Variants in KLHL1 observed in about 807,000 individuals in gnomAD.
KLHL1 encodes kelch like family member 1.
A neutral mutation model predicts 77.7 loss-of-function variants in KLHL1; 47 were observed. The ratio of observed to expected loss-of-function variants is 0.60; its 90% CI spans 0.48 to 0.77. KLHL1 has a LOEUF of 0.77. KLHL1 is among the 30% of genes least tolerant of loss of function. The pLI is 0.00. For synonymous variants in KLHL1, 360 were observed against 325.2 expected (o/e 1.11, Z -1.15); for missense variants, 925 against 910.8 (o/e 1.02, Z -0.20).
rs10667717 is a variant in KLHL1, at chr13:70,027,652, G to GTTTTTTTTTTTT, written c.498-51862_498-51851dup. Among the ~76,000 whole-genome samples the GTTTTTTTTTTTT allele has an allele frequency of 2.4e-4, 33 of 135,754 alleles. 1 individual carries two copies. The highest frequency in any genetic ancestry group is 6.6e-4 in the African/African-American group (24 of 36,424). 89.1% of individuals were successfully genotyped at this position (135,754 alleles called of 152,430 possible). A position where few individuals can be genotyped will look rare whatever the true frequency, so the allele number is the denominator to read the frequency against. The stretch of plus-strand genomic sequence containing the variant: ...ATTTTTGAAGCGCAAAATGTAAGTT[G>GTTTTTTTTTTTT]TTTTTTTTTTTTTATGAACTGAACA... On this transcript the variant is annotated intron_variant, in intron 1 of 10. Transcript: ENST00000377844.
chr13:70,020,716 T>C (rs1466238414), intron 1 of KLHL1, among the ~76,000 whole-genome samples: 1 of 152,106 alleles, frequency 6.6e-6, no homozygotes, highest in Non-Finnish European at 1.5e-5. Flanking sequence ...ATTTCCTTTT[T>C]ACATATACTG....
chr13:69,806,277 C>T (rs138460129), intron 6 of KLHL1, among the ~76,000 whole-genome samples: 1 of 152,346 alleles, frequency 6.6e-6, no homozygotes, highest in East Asian at 1.9e-4. Flanking sequence ...ATGTTTGCTT[C>T]TGTTCTCTGG....
intron 7 of KLHL1, among the ~76,000 whole-genome samples, chr13:69,745,250 C>T (rs934673184): frequency 5.9e-5 from 9 of 151,952 alleles, no homozygotes; most frequent in African/African-American, 2.2e-4. Flanking sequence ...CCACTTGAAT[C>T]TCCCTTTTTG....
intron 5 of KLHL1, among the ~76,000 whole-genome samples, chr13:69,847,282 C>T (rs1006563238): frequency 6.6e-5 from 10 of 151,186 alleles, no homozygotes; most frequent in African/African-American, 2.4e-4. Context: ...TACAGACAAC[C>T]TTCTAAAATA....
At chr13:69,853,594 C>G (rs1015576427) in intron 5 of KLHL1, among the ~76,000 whole-genome samples, 1 of 151,978 alleles carries the variant, frequency 6.6e-6, no homozygotes, top group African/African-American at 2.4e-5. Flanking sequence ...TTGCAAGCAG[C>G]TACTTTCATC....
intron 7 of KLHL1, among the ~76,000 whole-genome samples, chr13:69,771,929 T>TATC (rs769607343): frequency 7.2e-5 from 11 of 152,084 alleles, no homozygotes; most frequent in Non-Finnish European, 1.0e-4. Context: ...TTGCAAGACT[T>TATC]ATCAATAAAT....
intron 1 of KLHL1, among the ~76,000 whole-genome samples, chr13:70,094,315 A>G (rs1204562810): frequency 6.6e-6 from 1 of 151,730 alleles, no homozygotes; most frequent in African/African-American, 2.4e-5. Flanking sequence ...ACAGAGTGAG[A>G]ACCCAACTCT....
chr13:69,797,577 G>A (rs1000055663), intron 6 of KLHL1, among the ~76,000 whole-genome samples: 1 of 151,728 alleles, frequency 6.6e-6, no homozygotes, highest in African/African-American at 2.4e-5. Flanking sequence ...AGCACTTTGG[G>A]AGGCCGAGAC....
At chr13:69,737,426 C>T (rs997302554) in intron 8 of KLHL1, among the ~76,000 whole-genome samples, 3 of 152,232 alleles carry the variant, frequency 2.0e-5, no homozygotes, top group African/African-American at 7.2e-5. Context: ...CAAGCTAAAA[C>T]GTAATGGCTT....
At chr13:69,743,534 T>G (rs1874070533) in intron 7 of KLHL1, among the ~76,000 whole-genome samples, 1 of 152,156 alleles carries the variant, frequency 6.6e-6, no homozygotes, top group African/African-American at 2.4e-5. Context: ...CCAGTAATCC[T>G]GACACTTTGA....
At chr13:70,015,496 A>T (rs1885635345) in intron 1 of KLHL1, among the ~76,000 whole-genome samples, 1 of 152,186 alleles carries the variant, frequency 6.6e-6, no homozygotes, top group Non-Finnish European at 1.5e-5. Flanking sequence ...TTTGAGTTAA[A>T]ATTTTTCAAT....
chr13:69,777,017 C>G (rs1875864710), intron 7 of KLHL1, among the ~76,000 whole-genome samples: 1 of 151,820 alleles, frequency 6.6e-6, no homozygotes, highest in South Asian at 2.1e-4. Flanking sequence ...CCCCACGTGT[C>G]ATGGGTGGGA....
At chr13:70,023,128 G>C (rs1885845402) in intron 1 of KLHL1, among the ~76,000 whole-genome samples, 1 of 151,708 alleles carries the variant, frequency 6.6e-6, no homozygotes, top group African/African-American at 2.4e-5. Flanking sequence ...GCTTTTCTGA[G>C]GTAAAACAGA....
intron 1 of KLHL1, among the ~76,000 whole-genome samples, chr13:70,070,633 A>G (rs1887116861): frequency 6.6e-6 from 1 of 152,124 alleles, no homozygotes; most frequent in South Asian, 2.1e-4. Context: ...ATAAAGAAAA[A>G]TCATACAGAT....
At chr13:69,833,842 T>TATAC (rs1555272120) in intron 6 of KLHL1, among the ~76,000 whole-genome samples, 1 of 143,942 alleles carries the variant, frequency 6.9e-6, no homozygotes, top group African/African-American at 2.7e-5. Flanking sequence ...CATATATATA[T>TATAC]ACACACACAT....
intron 1 of KLHL1, among the ~76,000 whole-genome samples, chr13:69,988,740 A>G (rs553216095): frequency 3.9e-5 from 6 of 152,084 alleles, no homozygotes; most frequent in Non-Finnish European, 7.4e-5. Flanking sequence ...TCATAAGTAT[A>G]TTGGCTGCAA....
rs539313070 is a variant in KLHL1 at position 69,828,660 on chromosome 13, C to T, written c.1414+10316G>A. ...CAGCAGGGAGGTTTGCAGCCTGGGG[C>T]AAGATCTCAGCCCTGCTTATCAGCT... On this transcript the variant is annotated intron_variant, in intron 6 of 10. Transcript: ENST00000377844. 4.9e-4 allele frequency among the ~76,000 whole-genome samples: 73 copies of T among 150,178 alleles called. 2 individuals are homozygous for T. The highest frequency in any genetic ancestry group is 9.6e-4 in the Non-Finnish European group (65 of 67,784).
At chr13:70,019,010 T>C (rs1885725244) in intron 1 of KLHL1, among the ~76,000 whole-genome samples, 1 of 152,208 alleles carries the variant, frequency 6.6e-6, no homozygotes, top group Admixed American at 6.5e-5. Flanking sequence ...AATTAAATAC[T>C]CACTGTATTT....
At chr13:69,838,356 G>T (rs1895570) in intron 6 of KLHL1, among the ~76,000 whole-genome samples, 12,276 of 151,464 alleles carry the variant, frequency 0.081, 936 homozygotes, top group African/African-American at 0.2. Context: ...TACTTATTCA[G>T]GAAAATTAAG....
Sources: allele counts gnomAD v4.1 joint callset (sites outside exome capture counted in the v4.1 genomes callset), GRCh38; gene constraint gnomAD v4.1.1; transcripts MANE v1.5; gene names NCBI Gene and HGNC (gene_info 2026-07-23, HGNC 2026-07-21).